GMDS: variants seen among roughly 807,000 people sequenced by gnomAD.
The protein encoded by GMDS is GDP-mannose 4,6 dehydratase.
Under a neutral mutation model 49.9 loss-of-function variants are expected in GMDS, and 20 were observed. The observed-to-expected ratio is 0.40, with a 90% CI of 0.28 to 0.58. The LOEUF (loss-of-function observed/expected upper bound fraction) is 0.58. Among genes scored for constraint, GMDS ranks in the 20% least tolerant of loss-of-function variants. The pLI is 0.42. For missense variants in GMDS, 362 were observed against 481.4 expected (o/e 0.75, Z 2.32); for synonymous variants, 177 against 178.6 (o/e 0.99, Z 0.07).
chr6:1,952,034 G>C (rs1188509361), intron 6 of GMDS: 3 of 969,228 alleles, frequency 3.1e-6, no homozygotes, highest in African/African-American at 1.8e-5. Context: ...ATATTTACAT[G>C]ACTTCTCCTA....
chr6:1,653,372 A>C (rs1413228286), intron 9 of GMDS, among the ~76,000 whole-genome samples: 1 of 152,206 alleles, frequency 6.6e-6, no homozygotes, highest in African/African-American at 2.4e-5. Flanking sequence ...AGATCATTAC[A>C]CAAAGTGATC....
At chr6:1,866,072 C>T (rs1758428705) in intron 7 of GMDS, among the ~76,000 whole-genome samples, 2 of 152,092 alleles carry the variant, frequency 1.3e-5, no homozygotes, top group South Asian at 4.1e-4. Flanking sequence ...TGCCCTTTAC[C>T]CACCACCTCT....
chr6:1,624,801 C>T (rs1394849933), intron 9 of GMDS: 4 of 408,688 alleles, frequency 9.8e-6, no homozygotes, highest in African/African-American at 8.4e-5. Flanking sequence ...CCTCTTCTCC[C>T]CAAGGCGTCC....
At chr6:2,115,044 C>A (rs776325591) in intron 4 of GMDS, among the ~76,000 whole-genome samples, 2 of 152,082 alleles carry the variant, frequency 1.3e-5, no homozygotes, top group Non-Finnish European at 2.9e-5. Flanking sequence ...GCTTTTATTT[C>A]TCAGGTCCAC....
chr6:1,938,736 A>G (rs528435972), intron 6 of GMDS, among the ~76,000 whole-genome samples: 16 of 151,804 alleles, frequency 1.1e-4, no homozygotes, highest in Non-Finnish European at 1.6e-4. Context: ...CTCTTTAGAT[A>G]TTGCCTCTTT....
intron 1 of GMDS, among the ~76,000 whole-genome samples, chr6:2,206,605 C>CT: frequency 6.6e-6 from 1 of 152,320 alleles, no homozygotes; most frequent in Non-Finnish European, 1.5e-5. Context: ...TCATATACCA[C>CT]TTTGAGTATC....
At chr6:1,992,340 C>A (rs1212954510) in intron 4 of GMDS, among the ~76,000 whole-genome samples, 2 of 152,148 alleles carry the variant, frequency 1.3e-5, no homozygotes, top group Non-Finnish European at 2.9e-5. Context: ...GCCACCACCT[C>A]ACCTGAAGCA....
chr6:1,913,532 A>G (rs978580947), intron 7 of GMDS, among the ~76,000 whole-genome samples: 6 of 152,232 alleles, frequency 3.9e-5, no homozygotes, highest in Admixed American at 2.6e-4. Context: ...TTCCTCAAAG[A>G]ATAGAAGGGT....
rs566447205 is a variant in GMDS, at chr6:1,924,131, C to T, written c.771+5972G>A. On this transcript the variant is annotated intron_variant, in intron 7 of 10. Transcript: ENST00000380815. Reference sequence around the variant, plus strand: ...GCTGTCTCAGCCAGACTCTTTCTTACATTTAAAACCTATAAGAAGTCTTCA... The same window carrying T: ...GCTGTCTCAGCCAGACTCTTTCTTATATTTAAAACCTATAAGAAGTCTTCA... Among the ~76,000 whole-genome samples, 14 of 152,344 alleles carry T rather than the reference C, an allele frequency of 9.2e-5. No homozygotes were observed. In the East Asian group the frequency reaches 2.7e-3, roughly 29 times the overall value.
intron 9 of GMDS, among the ~76,000 whole-genome samples, chr6:1,702,643 T>C (rs973067502): frequency 6.6e-6 from 1 of 152,184 alleles, no homozygotes; most frequent in African/African-American, 2.4e-5. Flanking sequence ...AATACTACTG[T>C]TGATAAGGGT....
Position 1,960,717 on chromosome 6 carries a change from C to A in GMDS, c.538+57G>T, listed in dbSNP as rs1485888063. ...ACAGAATGAAAGGAAAAACACACAC[C>A]CCCCACACCCACAGATAACGCCACA... is the stretch of plus-strand genomic sequence containing the variant. On this transcript the variant is annotated intron_variant, in intron 5 of 10. Transcript: ENST00000380815. 13 of 1,143,062 alleles carry A rather than the reference C, an allele frequency of 1.1e-5. 1 individual carries two copies. The South Asian group carries it at 1.8e-4, about 16-fold the overall frequency. The allele number at this position is 1,143,062 out of a possible 1,614,324, so 70.8% of individuals were successfully genotyped here.
At position 2,153,603 on chromosome 6, in the gene GMDS, C is replaced by G. The variant is rs540850855; in HGVS notation, c.103-28872G>C. On this transcript the variant is annotated intron_variant, in intron 1 of 10. Coordinates refer to ENST00000380815, the MANE Select transcript of GMDS (RefSeq NM_001500.4). ...CAGATTTACAGGCAAAGATACTGAT[C>G]CCTACTCAAAATGAAATAAATATAA... is the stretch of plus-strand genomic sequence containing the variant. 1.4e-3 allele frequency among the ~76,000 whole-genome samples: 214 copies of G among 152,062 alleles called. 1 individual carries two copies. The highest frequency in any genetic ancestry group is 4.8e-3 in the African/African-American group (201 of 41,492).
intron 7 of GMDS, among the ~76,000 whole-genome samples, chr6:1,795,987 C>A (rs969136918): frequency 1.2e-4 from 18 of 152,178 alleles, no homozygotes; most frequent in Non-Finnish European, 2.6e-4. Context: ...ACAAACTCCA[C>A]CAAATTAGCA....
chr6:2,040,943 C>T (rs1769638843), intron 4 of GMDS, among the ~76,000 whole-genome samples: 1 of 152,232 alleles, frequency 6.6e-6, no homozygotes, highest in Admixed American at 6.5e-5. Flanking sequence ...TTTCTGAAGA[C>T]TGCCGTGTAA....
chr6:2,075,706 G>A (rs1473406064), intron 4 of GMDS, among the ~76,000 whole-genome samples: 3 of 152,124 alleles, frequency 2.0e-5, no homozygotes, highest in African/African-American at 4.8e-5. Context: ...GAATAGTGCT[G>A]CAATAAACAT....
intron 7 of GMDS, among the ~76,000 whole-genome samples, chr6:1,830,631 A>G (rs901945613): frequency 1.3e-5 from 2 of 152,206 alleles, no homozygotes; most frequent in African/African-American, 2.4e-5. Flanking sequence ...TAAGCCAACA[A>G]TAACTACAGC....
At chr6:2,152,446 T>C (rs1776889922) in intron 1 of GMDS, among the ~76,000 whole-genome samples, 1 of 152,124 alleles carries the variant, frequency 6.6e-6, no homozygotes, top group African/African-American at 2.4e-5. Flanking sequence ...ATCAGGAGTT[T>C]CCAAATTTAA....
intron 1 of GMDS, among the ~76,000 whole-genome samples, chr6:2,208,848 C>T (rs1249777460): frequency 8.0e-6 from 1 of 125,496 alleles, no homozygotes; most frequent in Non-Finnish European, 1.6e-5. Flanking sequence ...GTACAGTGGG[C>T]TACATTAAAA....
intron 9 of GMDS, among the ~76,000 whole-genome samples, chr6:1,698,882 C>A (rs1426695665): frequency 6.6e-6 from 1 of 150,612 alleles, no homozygotes; most frequent in African/African-American, 2.4e-5. Context: ...TGTCACCTGG[C>A]CAAATGGAAT....
Sources: allele counts gnomAD v4.1 joint callset (sites outside exome capture counted in the v4.1 genomes callset), GRCh38; gene constraint gnomAD v4.1.1; transcripts MANE v1.5; gene names NCBI Gene and HGNC (gene_info 2026-07-23, HGNC 2026-07-21).